ADAMTS8: variants seen among roughly 807,000 people sequenced by gnomAD.
The protein encoded by ADAMTS8 is ADAM metallopeptidase with thrombospondin type 1 motif 8.
Under a neutral mutation model 64.4 loss-of-function variants are expected in ADAMTS8, and 50 were observed. That is an observed-to-expected ratio of 0.78 (90% CI 0.62 to 0.98). The LOEUF (loss-of-function observed/expected upper bound fraction) is 0.98, where lower values mean the gene tolerates loss of function less well. Among genes scored for constraint, ADAMTS8 ranks in the 50% least tolerant of loss-of-function variants. ADAMTS8 has a pLI of 0.00. For synonymous variants in ADAMTS8, 556 were observed against 533.6 expected (o/e 1.04, Z -0.58); for missense variants, 1,192 against 1,208.2 (o/e 0.99, Z 0.20).
chr11:130,417,248 AATTATT>A (rs1555074178), intron 2 of ADAMTS8, among the ~76,000 whole-genome samples, 173 bp from the exon 3 acceptor site: 1 of 150,646 alleles, frequency 6.6e-6, no homozygotes, highest in Non-Finnish European at 1.5e-5. Context: ...AATTAAATTA[AATTATT>A]ATTATTATTA....
chr11:130,418,917 T>C (rs2134685942), intron 2 of ADAMTS8, 136 bp downstream of exon 2: 1 of 1,384,904 alleles, frequency 7.2e-7, no homozygotes. Context: ...CTCATCATTC[T>C]GGGCATGAGG....
chr11:130,412,611 T>G (rs1861967072), intron 5 of ADAMTS8, among the ~76,000 whole-genome samples: 1 of 152,136 alleles, frequency 6.6e-6, no homozygotes, highest in Non-Finnish European at 1.5e-5. Flanking sequence ...TGAAAATAAT[T>G]TTTTAAAAGT....
At position 130,404,961 on chromosome 11, in the gene ADAMTS8, C is replaced by T. The variant is rs749355879; in HGVS notation, c.*597G>A. Reference sequence around the variant, plus strand: ...ACACTTTAGTTCAGAGACACATTTGCATAAATACTTGAAATGGATCCACCC... The same window carrying T: ...ACACTTTAGTTCAGAGACACATTTGTATAAATACTTGAAATGGATCCACCC... On this transcript the variant is annotated 3_prime_UTR_variant, in exon 9 of 9. Coordinates refer to ENST00000257359, the MANE Select transcript of ADAMTS8 (RefSeq NM_007037.6). The T allele has an allele frequency of 1.2e-5, 12 of 982,720 alleles. No individual in the cohort carries two copies. The highest frequency in any genetic ancestry group is 1.5e-5 in the Non-Finnish European group (12 of 826,980). 60.9% of individuals were successfully genotyped at this position (982,720 alleles called of 1,614,324 possible). A position where few individuals can be genotyped will look rare whatever the true frequency, so the allele number is the denominator to read the frequency against.
chr11:130,417,765 C>T (rs985416070), intron 2 of ADAMTS8, among the ~76,000 whole-genome samples: 6 of 152,152 alleles, frequency 3.9e-5, no homozygotes, highest in Non-Finnish European at 8.8e-5. Context: ...GCAGTTTCAA[C>T]GTGTCTGGAT....
rs1344235615 is a variant in ADAMTS8, at chr11:130,428,083, C to T, written c.204G>A (p.Leu68=). Residue 68 remains leucine (L), a synonymous_variant, in exon 1 of 9, where the codon CTG becomes CTA. Transcript: ENST00000257359. The part of the protein sequence containing the change: ...SAFGKGFVLR[L]APDDSFLAPE... The stretch of plus-strand genomic sequence containing the variant: ...GCGCTAGGAAGCTGTCGTCGGGCGC[C>T]AGGCGCAGCACGAAGCCCTTGCCGA... 2.6e-6 allele frequency: 4 copies of T among 1,539,120 alleles called. No homozygotes were observed. The highest frequency in any genetic ancestry group is 3.5e-6 in the Non-Finnish European group (4 of 1,151,870).
In ADAMTS8 at chr11:130,427,655, G is replaced by T. The variant is rs1292577591; in HGVS notation, c.632C>A (p.Thr211Asn). 2.5e-6 allele frequency: 4 copies of T among 1,591,230 alleles called. No homozygotes were observed. Among genetic ancestry groups the T allele is most frequent in the Non-Finnish European group, 1.7e-6 (2 of 1,171,036 alleles). ...PPPPLGATSR[T>N]KRFVSEARFV... ...GCGCGCCTCAGACACAAACCGCTTGGTCCTACTCGTGGCCCCCAGGGGCGG... is the reference window on the plus strand; with the variant it reads ...GCGCGCCTCAGACACAAACCGCTTGTTCCTACTCGTGGCCCCCAGGGGCGG... The change falls in exon 1 of 9, where the codon ACC (threonine) becomes AAC (asparagine). Residue 211 changes from threonine to asparagine, a missense_variant. Thr to Asn is a moderately conservative substitution (Grantham distance 65). Coordinates refer to ENST00000257359, the MANE Select transcript of ADAMTS8 (RefSeq NM_007037.6).
intron 1 of ADAMTS8, 102 bp downstream of exon 1, chr11:130,427,465 T>A (rs893996192): frequency 1.8e-6 from 2 of 1,088,888 alleles, no homozygotes; most frequent in African/African-American, 3.2e-5. Flanking sequence ...TTTTTTTTTT[T>A]TTTTTTTTTC....
chr11:130,414,344 G>A (rs1304426232), intron 5 of ADAMTS8, among the ~76,000 whole-genome samples, 187 bp downstream of exon 5: 4 of 151,794 alleles, frequency 2.6e-5, no homozygotes, highest in African/African-American at 4.8e-5. Flanking sequence ...GGCTGGTCTC[G>A]GTGCAAGTGA....
Position 130,416,805 on chromosome 11 carries a change from C to G in ADAMTS8, c.1096+135G>C, listed in dbSNP as rs555323754. The stretch of plus-strand genomic sequence containing the variant: ...GTCAAGCGCGGTATCTGTTTGTATA[C>G]AGTCACCCTGTCAAAATTAGGAGGA... On this transcript the variant is annotated intron_variant, in intron 3 of 8. Coordinates refer to ENST00000257359, the MANE Select transcript of ADAMTS8 (RefSeq NM_007037.6). The surrounding 1 kb of genome is among the most constrained non-coding windows in gnomAD (Gnocchi z 4.8). 162 of 1,397,462 alleles carry G rather than the reference C, an allele frequency of 1.2e-4. 1 individual carries two copies. In the East Asian group the frequency reaches 3.1e-3, roughly 27 times the overall value. The allele number at this position is 1,397,462 out of a possible 1,614,324, so 86.6% of individuals were successfully genotyped here.
rs1262792816 is a variant in ADAMTS8, at chr11:130,428,010, C to T, written c.277G>A (p.Gly93Ser). The T allele has an allele frequency of 3.3e-6, 5 of 1,526,028 alleles. No homozygotes were observed. The highest frequency in any genetic ancestry group is 2.5e-5 in the East Asian group (1 of 39,622). The allele number at this position is 1,526,028 out of a possible 1,614,324, so 94.5% of individuals were successfully genotyped here. A position where few individuals can be genotyped will look rare whatever the true frequency, so the allele number is the denominator to read the frequency against. ...RLGGSGRATGGERGLRGCFFS... is the reference protein window; with the variant it reads ...RLGGSGRATGSERGLRGCFFS... Reference sequence around the variant, plus strand: ...AAGCAGCCGCGCAGCCCCCGCTCGCCCCCGGTCGCCCGGCCGGAGCCCCCG... The same window carrying T: ...AAGCAGCCGCGCAGCCCCCGCTCGCTCCCGGTCGCCCGGCCGGAGCCCCCG... Residue 93 changes from glycine (G) to serine (S), a missense_variant, in exon 1 of 9, where the codon GGC becomes AGC. By Grantham distance (56) the Gly-to-Ser change is moderately conservative. Around this residue, in one of 5 missense-constraint regions of ADAMTS8, gnomAD observed 741 missense variants for 710.6 expected, o/e 1.04. Transcript: ENST00000257359.
rs769891870 is a variant in ADAMTS8, at chr11:130,405,563, G to A, written c.2665C>T (p.Leu889=). The change falls in exon 9 of 9, where the codon CTG becomes TTG. Residue 889 remains leucine (L), a synonymous_variant. Transcript: ENST00000257359. ...CTGGCCCCTGCCCCCCTGAATCACA[G>A]GGGGCACAGCTGGCTTTCGCAGGGC... is the stretch of plus-strand genomic sequence containing the variant. ...AKPCESQLCP[L] The A allele has an allele frequency of 1.6e-5, 25 of 1,597,044 alleles. No individual in the cohort carries two copies. In the East Asian group the frequency reaches 5.6e-4, roughly 36 times the overall value.
rs747849697 is a variant in ADAMTS8, at chr11:130,416,153, C to T, written c.1264+10G>A. 2.4e-5 allele frequency: 37 copies of T among 1,563,802 alleles called. No individual in the cohort carries two copies. The highest frequency in any genetic ancestry group is 3.9e-4 in the Middle Eastern group (2 of 5,138). On this transcript the variant is annotated intron_variant, in intron 4 of 8. Transcript: ENST00000257359. The surrounding 1 kb of genome is among the most constrained non-coding windows in gnomAD (Gnocchi z 4.8). The stretch of plus-strand genomic sequence containing the variant: ...ACGGGGACAAGTAGGGCGGGGCCGC[C>T]GGTGCCTACCGTGCCCGCCGTCCAG...
chr11:130,418,489 G>A (rs1376490216), intron 2 of ADAMTS8, among the ~76,000 whole-genome samples: 2 of 152,336 alleles, frequency 1.3e-5, no homozygotes, highest in African/African-American at 4.8e-5. Flanking sequence ...TATGTGGCAC[G>A]AGAGCTGTGT....
At chr11:130,418,077 G>A (rs534786393) in intron 2 of ADAMTS8, among the ~76,000 whole-genome samples, 3 of 146,594 alleles carry the variant, frequency 2.0e-5, no homozygotes, top group Non-Finnish European at 4.5e-5. Flanking sequence ...CTACTCAGGA[G>A]GCTTGAGGTG....
chr11:130,417,078 G>A lies in ADAMTS8; in HGVS notation c.961-3C>T. 1 of 1,613,816 alleles carries A rather than the reference G, an allele frequency of 6.2e-7. No individual in the cohort carries two copies. The highest frequency in any genetic ancestry group is 1.7e-5 in the Admixed American group (1 of 60,020). On this transcript the variant is annotated splice_polypyrimidine_tract_variant and splice_region_variant and intron_variant, in intron 2 of 8. Transcript: ENST00000257359. The stretch of plus-strand genomic sequence containing the variant: ...AGCCCCTCCTGCCCACAGAAGTTCT[G>A]CGTGGCGGGGAGAGAGCAAGAGAGT...
chr11:130,414,814 G>T lies in ADAMTS8; in HGVS notation c.1283C>A (p.Ala428Asp), dbSNP rs749907011. The T allele has an allele frequency of 5.6e-6, 9 of 1,608,344 alleles. No homozygotes were observed. In the Admixed American group the frequency reaches 1.3e-4, roughly 24 times the overall value. ...GGGGAGGGGCAGGGCCGCAGCAGGG[G>T]CATCCAGGAGACAGTCTCCTGGGAA... ...DGGHGDCLLD[A>D]PAAALPLPTG... Residue 428 changes from alanine to aspartate, a missense_variant, in exon 5 of 9, where the codon GCC (alanine) becomes GAC (aspartate). Physicochemically the swap from Ala to Asp is moderately radical, Grantham distance 126. Transcript: ENST00000257359.
In ADAMTS8 at chr11:130,411,615, G is replaced by A; in HGVS notation, c.1567-15C>T. On this transcript the variant is annotated splice_polypyrimidine_tract_variant and intron_variant, in intron 5 of 8. Coordinates refer to ENST00000257359, the MANE Select transcript of ADAMTS8 (RefSeq NM_007037.6). The surrounding 1 kb of genome is among the most constrained non-coding windows in gnomAD (Gnocchi z 4.2). Reference sequence around the variant, plus strand: ...TCTGCCACGGGCTGCAACATACAATGGCACACTGAATGAGGAGCAAAGGCC... The same window carrying A: ...TCTGCCACGGGCTGCAACATACAATAGCACACTGAATGAGGAGCAAAGGCC... The A allele has an allele frequency of 1.9e-6, 3 of 1,613,444 alleles. No homozygotes were observed. The highest frequency in any genetic ancestry group is 2.5e-6 in the Non-Finnish European group (3 of 1,179,584).
At position 130,419,279 on chromosome 11, in the gene ADAMTS8, G is replaced by A. The variant is rs1011505384; in HGVS notation, c.734C>T (p.Thr245Met). 9 of 1,613,946 alleles carry A rather than the reference G, an allele frequency of 5.6e-6. No individual in the cohort carries two copies. The highest frequency in any genetic ancestry group is 7.6e-6 in the Non-Finnish European group (9 of 1,180,040). ...GATTCGGGCTGCCACAGACATTAACGTCAGGATGTGGTTCTGTCAGGAAGG... is the reference window on the plus strand; with the variant it reads ...GATTCGGGCTGCCACAGACATTAACATCAGGATGTGGTTCTGTCAGGAAGG... ...YGADLQNHIL[T>M]LMSVAARIYK... is the part of the protein sequence containing the mutation. The change falls in exon 2 of 9, where the codon ACG (threonine) becomes ATG (methionine). Residue 245 changes from threonine (T) to methionine (M), a missense_variant. Coordinates refer to ENST00000257359, the MANE Select transcript of ADAMTS8 (RefSeq NM_007037.6).
At chr11:130,406,361 G>T (rs1414352586) in intron 8 of ADAMTS8, among the ~76,000 whole-genome samples, 1 of 152,244 alleles carries the variant, frequency 6.6e-6, no homozygotes, top group African/African-American at 2.4e-5. Flanking sequence ...TATTTCAAAA[G>T]TGTGGTTGAG....
Sources: gnomAD v4.1 joint callset for allele counts (sites outside exome capture counted in the v4.1 genomes callset) on GRCh38, gnomAD v4.1.1 for gene constraint, gnomAD v4.1.1 regional missense constraint, Gnocchi (gnomAD v3.1) non-coding constraint, MANE v1.5 for transcripts, NCBI Gene and HGNC (gene_info 2026-07-23, HGNC 2026-07-21) for gene names.